NWD1: variants seen among roughly 807,000 people sequenced by gnomAD.
NWD1 encodes NACHT and WD repeat domain containing 1, also known as NACHT domain- and WD repeat-containing protein 1.
A neutral mutation model predicts 135.1 loss-of-function variants in NWD1; 129 were observed. That is an observed-to-expected ratio of 0.96 (90% CI 0.83 to 1.11). The LOEUF (loss-of-function observed/expected upper bound fraction) is 1.11, where lower values mean the gene tolerates loss of function less well. Among genes scored for constraint, NWD1 ranks in the 50% least tolerant of loss-of-function variants. NWD1 has a pLI of 0.00. For synonymous variants in NWD1, 773 were observed against 786.0 expected (o/e 0.98, Z 0.28); for missense variants, 1,740 against 1,851.3 (o/e 0.94, Z 1.10).
intron 3 of NWD1, 69 bp from the exon 4 acceptor site, chr19:16,736,565 A>C: frequency 9.9e-7 from 1 of 1,009,956 alleles, no homozygotes; most frequent in Non-Finnish European, 1.5e-6. Flanking sequence ...CTGCTTTGTC[A>C]AAAGGGATTG....
chr19:16,751,902 A>T (rs1413402958), intron 6 of NWD1, among the ~76,000 whole-genome samples: 3 of 151,554 alleles, frequency 2.0e-5, no homozygotes, highest in Admixed American at 1.3e-4. Flanking sequence ...AAAGAGAAAG[A>T]GAGAAAAAGG....
chr19:16,760,753 G>C (rs1034478627), intron 7 of NWD1, among the ~76,000 whole-genome samples: 1 of 151,882 alleles, frequency 6.6e-6, no homozygotes, highest in Non-Finnish European at 1.5e-5. Context: ...ACCACACCCA[G>C]CTAATTTTTG....
At chr19:16,734,834 C>T (rs937855830) in intron 3 of NWD1, among the ~76,000 whole-genome samples, 1 of 152,034 alleles carries the variant, frequency 6.6e-6, no homozygotes, top group Non-Finnish European at 1.5e-5. Context: ...GATCCTCCTC[C>T]CTCAGCCTCC....
Position 16,763,910 on chromosome 19 carries a change from C to T in NWD1, c.2216C>T (p.Ser739Leu), listed in dbSNP as rs746473346. ...LKELPYHLLHSGRLEELKQEV... is the reference protein window; with the variant it reads ...LKELPYHLLHLGRLEELKQEV... ...GAGTTGCCCTATCACCTGCTTCACT[C>T]GGGCCGCCTGGAGGAGCTGAAACAG... The change falls in exon 9 of 19, where the codon TCG (serine) becomes TTG (leucine). Residue 739 changes from serine to leucine, a missense_variant. Ser to Leu is a moderately radical substitution (Grantham distance 145). Coordinates refer to ENST00000524140, the MANE Select transcript of NWD1 (RefSeq NM_001007525.5). 53 of 1,613,368 alleles carry T rather than the reference C, an allele frequency of 3.3e-5. No individual in the cohort carries two copies. Among genetic ancestry groups the T allele is most frequent in the African/African-American group, 6.7e-5 (5 of 74,892 alleles).
Position 16,762,734 on chromosome 19 carries a change from C to T in NWD1, c.2133+596C>T, listed in dbSNP as rs144686652. On this transcript the variant is annotated intron_variant, in intron 8 of 18. Transcript: ENST00000524140. ...TGGACTGGGGAGGCTGGAGGCAGGA[C>T]CAGGCTCTATTCTTTTTTTGGTGCT... Among the ~76,000 whole-genome samples, 5 of 152,168 alleles carry T rather than the reference C, an allele frequency of 3.3e-5. No homozygotes were observed. The East Asian group carries it at 9.7e-4, about 29-fold the overall frequency.
At chr19:16,740,146 A>T (rs1190728845) in intron 4 of NWD1, among the ~76,000 whole-genome samples, 1 of 151,330 alleles carries the variant, frequency 6.6e-6, no homozygotes, top group Admixed American at 6.6e-5. Flanking sequence ...AAAAAAAAAG[A>T]ACAGTTAGCT....
chr19:16,743,715 C>T (rs1968183107), intron 4 of NWD1, among the ~76,000 whole-genome samples: 1 of 151,928 alleles, frequency 6.6e-6, no homozygotes, highest in African/African-American at 2.4e-5. Flanking sequence ...CAGAGTCTTA[C>T]TCTGTTGCCC....
chr19:16,773,377 C>T, intron 11 of NWD1, 54 bp downstream of exon 11: 1 of 1,472,692 alleles, frequency 6.8e-7, no homozygotes, highest in Non-Finnish European at 9.3e-7. Context: ...TGCCTGGGGG[C>T]AGTGAAGGCC....
intron 12 of NWD1, among the ~76,000 whole-genome samples, chr19:16,785,808 T>C (rs1970020318): frequency 6.7e-6 from 1 of 149,256 alleles, no homozygotes. Flanking sequence ...ATACTATATA[T>C]ATATTTTTAT....
chr19:16,807,448 G>A (rs1678183066), intron 17 of NWD1, 138 bp from the exon 18 acceptor site: 20 of 643,930 alleles, frequency 3.1e-5, no homozygotes, highest in South Asian at 2.3e-4. Context: ...ACCTGAGATC[G>A]TGCTATTGCA....
At chr19:16,768,416 T>C (rs1479850704) in intron 10 of NWD1, among the ~76,000 whole-genome samples, 1 of 152,224 alleles carries the variant, frequency 6.6e-6, no homozygotes, top group Non-Finnish European at 1.5e-5. Flanking sequence ...CATTTGTGTG[T>C]TTCTACCTTT....
chr19:16,757,424 T>C (rs371002480), intron 6 of NWD1, among the ~76,000 whole-genome samples: 27 of 152,178 alleles, frequency 1.8e-4, no homozygotes, highest in African/African-American at 6.3e-4. Context: ...AATGAGATCA[T>C]ACTCGCCAGA....
At chr19:16,740,623 C>T (rs1599443316) in intron 4 of NWD1, among the ~76,000 whole-genome samples, 2 of 151,096 alleles carry the variant, frequency 1.3e-5, no homozygotes, top group African/African-American at 4.8e-5. Context: ...CAGGCGTGAG[C>T]CACTGCGCCC....
At chr19:16,748,744 A>T (rs1968424361) in intron 5 of NWD1, among the ~76,000 whole-genome samples, 1 of 152,108 alleles carries the variant, frequency 6.6e-6, no homozygotes, top group Admixed American at 6.6e-5. Context: ...GGATCGCTTG[A>T]GCCTAGGAGG....
rs757112691 is a variant in NWD1, at chr19:16,761,962, G to C, written c.1974-17G>C. The stretch of plus-strand genomic sequence containing the variant: ...ATGGGTCACCCAGGTCTATCAGTCT[G>C]TATACCCTCTCTGTAGACAGCTGGT... On this transcript the variant is annotated splice_polypyrimidine_tract_variant and intron_variant, in intron 7 of 18. Transcript: ENST00000524140. 6 of 1,611,930 alleles carry C rather than the reference G, an allele frequency of 3.7e-6. No homozygotes were observed. The highest frequency in any genetic ancestry group is 5.1e-6 in the Non-Finnish European group (6 of 1,178,428).
At chr19:16,760,648 C>T (rs996642492) in intron 7 of NWD1, among the ~76,000 whole-genome samples, 2 of 151,854 alleles carry the variant, frequency 1.3e-5, no homozygotes, top group African/African-American at 2.4e-5. Context: ...TAGAGTGCAG[C>T]GGCACAATCT....
intron 4 of NWD1, among the ~76,000 whole-genome samples, chr19:16,738,730 C>A (rs145318617): frequency 0.073 from 10,059 of 138,266 alleles, 553 homozygotes; most frequent in African/African-American, 0.16. Flanking sequence ...TATATATAAT[C>A]TATATATAAT....
rs776805006 is a variant in NWD1, at chr19:16,759,229, G to C, written c.1774G>C (p.Gly592Arg). The C allele has an allele frequency of 5.6e-6, 9 of 1,613,426 alleles. No individual in the cohort carries two copies. In the Admixed American group the frequency reaches 1.5e-4, roughly 27 times the overall value. Residue 592 changes from glycine to arginine, a missense_variant, in exon 7 of 19, where the codon GGT (glycine) becomes CGT (arginine). Physicochemically the swap from Gly to Arg is moderately radical, Grantham distance 125. Transcript: ENST00000524140. Reference protein sequence around the residue: ...VLGYIVSSRHGLSEAELKDVL... With the variant: ...VLGYIVSSRHRLSEAELKDVL... ...CCCCACTGGTCCTCCCTTCAGACAC[G>C]GTCTCTCGGAGGCGGAGCTGAAGGA...
intron 4 of NWD1, among the ~76,000 whole-genome samples, chr19:16,737,288 CAG>C (rs1199001685): frequency 1.3e-5 from 2 of 151,774 alleles, no homozygotes; most frequent in Non-Finnish European, 2.9e-5. Flanking sequence ...TTTTTTGAGA[CAG>C]AGTCTCAAAA....
Sources: allele counts gnomAD v4.1 joint callset (sites outside exome capture counted in the v4.1 genomes callset), GRCh38; gene constraint gnomAD v4.1.1; transcripts MANE v1.5; gene names NCBI Gene and HGNC (gene_info 2026-07-23, HGNC 2026-07-21).